Variants in SRGAP1 observed in about 807,000 individuals in gnomAD.
SRGAP1 encodes SLIT-ROBO Rho GTPase-activating protein 1.
In SRGAP1, 43 loss-of-function variants were observed where a neutral mutation model predicts 121.9. That is an observed-to-expected ratio of 0.35 (90% CI 0.28 to 0.46). SRGAP1 has a LOEUF of 0.46. Ranked by LOEUF, SRGAP1 falls within the 20% of genes least tolerant of loss-of-function variation. The probability of loss-of-function intolerance (pLI) is 1.00; values close to 1 mark genes in which losing one functional copy is unlikely to be tolerated. For synonymous variants in SRGAP1, 447 were observed against 485.4 expected, an observed-to-expected ratio of 0.92 and a Z score of 1.04; for missense variants, 1,102 against 1,350.9, an observed-to-expected ratio of 0.82 and a Z score of 2.89.
At position 64,097,254 on chromosome 12, in the gene SRGAP1, G is replaced by A. The variant is rs2136594413; in HGVS notation, c.1692G>A (p.Leu564=). The part of the protein sequence containing the change: ...KNSFERGENP[L]ADDQSNHDIN... ...TTTTTTTTTTAGGTGAAAATCCTTT[G>A]GCTGATGACCAGAGTAACCATGATA... is the stretch of plus-strand genomic sequence containing the variant. The change falls in exon 15 of 22, where the codon TTG becomes TTA. Residue 564 remains leucine, a synonymous_variant. Transcript: ENST00000355086. 1 of 1,571,892 alleles carries A rather than the reference G, an allele frequency of 6.4e-7. No individual in the cohort carries two copies. The highest frequency in any genetic ancestry group is 1.2e-5 in the South Asian group (1 of 83,602).
chr12:64,129,959 C>T (rs1197350075), intron 21 of SRGAP1, among the ~76,000 whole-genome samples: 1 of 150,008 alleles, frequency 6.7e-6, no homozygotes, highest in Non-Finnish European at 1.5e-5. Flanking sequence ...CTTCAGCAAG[C>T]ACCTCAGCAG....
chr12:63,949,787 G>A lies in SRGAP1; in HGVS notation c.68-34160G>A, dbSNP rs562974394. 3.5e-4 allele frequency among the ~76,000 whole-genome samples: 54 copies of A among 152,222 alleles called. No individual in the cohort carries two copies. The Middle Eastern group carries it at 0.014, about 38-fold the overall frequency. ...TTTGAAGCAGCTTTTCAGTTTGTGA[G>A]TACTCATCATTACTGACAACTTACT... is the stretch of plus-strand genomic sequence containing the variant. On this transcript the variant is annotated intron_variant, in intron 1 of 21. Coordinates refer to ENST00000355086, the MANE Select transcript of SRGAP1 (RefSeq NM_020762.4).
chr12:63,948,217 A>T (rs961519642), intron 1 of SRGAP1, among the ~76,000 whole-genome samples: 1 of 152,118 alleles, frequency 6.6e-6, no homozygotes, highest in Admixed American at 6.5e-5. Flanking sequence ...TTTAGTTACC[A>T]TTATCACCAT....
intron 1 of SRGAP1, among the ~76,000 whole-genome samples, chr12:63,927,531 G>A (rs774624237): frequency 6.6e-6 from 1 of 152,140 alleles, no homozygotes; most frequent in Admixed American, 6.5e-5. Flanking sequence ...GGCCCAGTCC[G>A]TTAGGTCAAC....
chr12:63,880,942 C>G (rs1360531271), intron 1 of SRGAP1, among the ~76,000 whole-genome samples: 1 of 152,166 alleles, frequency 6.6e-6, no homozygotes, highest in African/African-American at 2.4e-5. Flanking sequence ...GCACACTCTT[C>G]ACTTTGCTAG....
At chr12:64,123,258 G>A (rs989971346) in intron 18 of SRGAP1, among the ~76,000 whole-genome samples, 3 of 152,140 alleles carry the variant, frequency 2.0e-5, no homozygotes, top group Non-Finnish European at 4.4e-5. Flanking sequence ...AAGGTGGGAG[G>A]ATCACTTGAG....
chr12:64,000,042 A>G (rs1007817346), intron 3 of SRGAP1, among the ~76,000 whole-genome samples: 6 of 152,112 alleles, frequency 3.9e-5, no homozygotes, highest in Admixed American at 3.3e-4. Context: ...TCAATATGCA[A>G]AGGTCCATGA....
In SRGAP1 at chr12:63,965,818, C is replaced by CT. The variant is rs533528491; in HGVS notation, c.68-18120dup. On this transcript the variant is annotated intron_variant, in intron 1 of 21. Transcript: ENST00000355086. ...ACGGAGAAGATAAAAGTGCATTTTTCTTTTTTTTTGTTTGTTTGAGATGGA... is the reference window on the plus strand; with the variant it reads ...ACGGAGAAGATAAAAGTGCATTTTTCTTTTTTTTTTGTTTGTTTGAGATGGA... 5.1e-3 allele frequency among the ~76,000 whole-genome samples: 773 copies of CT among 151,712 alleles called. 3 individuals carry two copies. Among genetic ancestry groups the CT allele is most frequent in the Admixed American group, 8.6e-3 (131 of 15,214 alleles).
chr12:63,964,284 C>G (rs1414275398), intron 1 of SRGAP1, among the ~76,000 whole-genome samples: 2 of 152,116 alleles, frequency 1.3e-5, no homozygotes, highest in South Asian at 4.1e-4. Flanking sequence ...TCACATTTAG[C>G]TATAGCAATA....
intron 1 of SRGAP1, among the ~76,000 whole-genome samples, chr12:63,877,824 T>C (rs1030635142): frequency 6.6e-5 from 10 of 152,208 alleles, no homozygotes; most frequent in African/African-American, 9.6e-5. Context: ...CAGGCCTTAG[T>C]GGCCCCACCT....
At chr12:63,960,243 A>G (rs2032596847) in intron 1 of SRGAP1, among the ~76,000 whole-genome samples, 3 of 152,128 alleles carry the variant, frequency 2.0e-5, no homozygotes. Flanking sequence ...TGAAATTCTT[A>G]CTTTCCTTGT....
At chr12:63,868,142 C>T (rs1271746301) in intron 1 of SRGAP1, among the ~76,000 whole-genome samples, 17 of 136,628 alleles carry the variant, frequency 1.2e-4, no homozygotes, top group African/African-American at 4.3e-4. Flanking sequence ...AGTGCACTGG[C>T]ACGATCTCGG....
At chr12:64,016,016 G>A (rs2136463924) in intron 3 of SRGAP1, among the ~76,000 whole-genome samples, 1 of 152,246 alleles carries the variant, frequency 6.6e-6, no homozygotes, top group Non-Finnish European at 1.5e-5. Flanking sequence ...CCTAGGGAAG[G>A]TTATTTCAAA....
At chr12:63,970,669 C>G (rs2032920489) in intron 1 of SRGAP1, among the ~76,000 whole-genome samples, 1 of 152,104 alleles carries the variant, frequency 6.6e-6, no homozygotes, top group African/African-American at 2.4e-5. Context: ...AAAGGCAACT[C>G]GGATTGCATT....
chr12:63,877,520 T>G (rs1900066666), intron 1 of SRGAP1, among the ~76,000 whole-genome samples: 1 of 152,238 alleles, frequency 6.6e-6, no homozygotes, highest in South Asian at 2.1e-4. Context: ...AACCTCAACA[T>G]GGACTCATTC....
intron 1 of SRGAP1, among the ~76,000 whole-genome samples, chr12:63,869,113 C>T (rs1326730738): frequency 1.3e-5 from 2 of 152,140 alleles, no homozygotes; most frequent in African/African-American, 2.4e-5. Flanking sequence ...CTGTTTTGTG[C>T]TGCTATAACA....
At chr12:64,132,844 G>A (rs986270383) in intron 21 of SRGAP1, among the ~76,000 whole-genome samples, 1 of 152,252 alleles carries the variant, frequency 6.6e-6, no homozygotes, top group Non-Finnish European at 1.5e-5. Context: ...ATACCCCTGA[G>A]GTAGGACAGT....
intron 4 of SRGAP1, among the ~76,000 whole-genome samples, chr12:64,035,951 C>T (rs1227837975): frequency 1.3e-5 from 2 of 152,164 alleles, no homozygotes; most frequent in Non-Finnish European, 2.9e-5. Flanking sequence ...TACATTCTGT[C>T]ATTTCATCCC....
chr12:63,893,596 T>G (rs778908036), intron 1 of SRGAP1, among the ~76,000 whole-genome samples: 22 of 152,160 alleles, frequency 1.4e-4, no homozygotes, highest in Non-Finnish European at 3.1e-4. Flanking sequence ...GAATGAATGG[T>G]CCTATCCTCT....
Sources: allele counts gnomAD v4.1 joint callset (sites outside exome capture counted in the v4.1 genomes callset), GRCh38; gene constraint gnomAD v4.1.1; transcripts MANE v1.5; gene names NCBI Gene and HGNC (gene_info 2026-07-23, HGNC 2026-07-21).